The following METTL15 variants were observed in gnomAD, a reference collection of about 807,000 sequenced individuals.
METTL15 encodes the protein 12S rRNA N(4)-cytidine methyltransferase METTL15.
METTL15 carries 34 observed loss-of-function variants against 38.3 expected under a neutral mutation model. The ratio of observed to expected loss-of-function variants is 0.89; its 90% confidence interval spans 0.68 to 1.18. METTL15 has a LOEUF of 1.18. METTL15 is among the 50% of genes most tolerant of loss of function. The pLI is 0.00. For synonymous variants in METTL15, 162 were observed against 170.9 expected (o/e 0.95, Z 0.41); for missense variants, 438 against 498.4 (o/e 0.88, Z 1.15).
chr11:28,327,135 A>G, intron 6 of METTL15, among the ~76,000 whole-genome samples: 1 of 152,144 alleles, frequency 6.6e-6, no homozygotes, highest in South Asian at 2.1e-4. Flanking sequence ...AAAGCTCCAC[A>G]AAACACATTG....
intron 5 of METTL15, among the ~76,000 whole-genome samples, chr11:28,386,121 A>C (rs1850437966): frequency 6.6e-6 from 1 of 152,112 alleles, no homozygotes; most frequent in Non-Finnish European, 1.5e-5. Flanking sequence ...ATATACACAG[A>C]AAACGAGAAA....
At chr11:28,173,244 A>T (rs918616665) in intron 3 of METTL15, among the ~76,000 whole-genome samples, 1 of 152,132 alleles carries the variant, frequency 6.6e-6, no homozygotes, top group African/African-American at 2.4e-5. Flanking sequence ...CTCCAGTGTG[A>T]TGGTATTAAG....
chr11:28,388,048 CT>C (rs138596882), intron 5 of METTL15, among the ~76,000 whole-genome samples: 64,139 of 151,682 alleles, frequency 0.42, 14,934 homozygotes, highest in Admixed American at 0.54. Flanking sequence ...AATAAATTAC[CT>C]CAACATAATA....
downstream of METTL15, among the ~76,000 whole-genome samples, chr11:28,336,532 C>G: frequency 6.6e-6 from 1 of 152,130 alleles, no homozygotes; most frequent in East Asian, 1.9e-4. Context: ...TGTTGCAGGT[C>G]TTAAAGGGAA....
intron 6 of METTL15, among the ~76,000 whole-genome samples, chr11:28,435,318 G>A (rs184572004): frequency 6.6e-6 from 1 of 152,286 alleles, no homozygotes; most frequent in Admixed American, 6.5e-5. Flanking sequence ...GCAAAACGAG[G>A]ACAGAATAAC....
Position 28,478,118 on chromosome 11 carries a change from T to A in METTL15, c.*425-48360T>A, listed in dbSNP as rs2585821. ...ATATTTTATTTTGTTATTTTAGACC[T>A]ATGTCCATGATCTTAAAACTTTAGT... On this transcript the variant is annotated intron_variant and NMD_transcript_variant, in intron 6 of 7. Transcript: ENST00000532947. Among the ~76,000 whole-genome samples, 505 of 152,228 alleles carry A rather than the reference T, an allele frequency of 3.3e-3. 5 individuals carry two copies. Among genetic ancestry groups the A allele is most frequent in the East Asian group, 0.025 (131 of 5,172 alleles).
chr11:28,390,633 C>T (rs1850494043), intron 5 of METTL15, among the ~76,000 whole-genome samples: 1 of 152,102 alleles, frequency 6.6e-6, no homozygotes, highest in South Asian at 2.1e-4. Flanking sequence ...TTACTGTAGC[C>T]TTGTAGTATA....
intron 4 of METTL15, among the ~76,000 whole-genome samples, chr11:28,223,134 C>T (rs1027202699): frequency 2.0e-5 from 3 of 152,144 alleles, no homozygotes; most frequent in African/African-American, 4.8e-5. Flanking sequence ...TCTAAGGAAA[C>T]ATGTTTTTAC....
intron 3 of METTL15, among the ~76,000 whole-genome samples, chr11:28,136,834 T>C (rs1253682014): frequency 6.6e-6 from 1 of 151,966 alleles, no homozygotes; most frequent in Non-Finnish European, 1.5e-5. Flanking sequence ...ATGTTAGAGG[T>C]TCAAAAGCAT....
chr11:28,491,334 C>T (rs1851493088), intron 6 of METTL15, among the ~76,000 whole-genome samples: 1 of 152,042 alleles, frequency 6.6e-6, no homozygotes, highest in Non-Finnish European at 1.5e-5. Flanking sequence ...TAGAAGGAGT[C>T]CCCTTATTGA....
At chr11:28,444,375 G>T (rs2133442896) in intron 6 of METTL15, among the ~76,000 whole-genome samples, 1 of 152,118 alleles carries the variant, frequency 6.6e-6, no homozygotes, top group African/African-American at 2.4e-5. Context: ...ACAACTTTAA[G>T]AAAGTATAAA....
At chr11:28,468,207 A>G (rs34522952) in intron 6 of METTL15, among the ~76,000 whole-genome samples, 3 of 152,124 alleles carry the variant, frequency 2.0e-5, no homozygotes, top group African/African-American at 4.8e-5. Context: ...TTTTATCTTA[A>G]TTTCTTAGTC....
chr11:28,348,293 A>C (rs1002079554), intron 3 of METTL15, among the ~76,000 whole-genome samples: 11 of 152,228 alleles, frequency 7.2e-5, no homozygotes, highest in Non-Finnish European at 1.6e-4. Context: ...GTGAGTTTAT[A>C]AAACAATATT....
At chr11:28,375,548 C>A (rs1230909514) in intron 5 of METTL15, among the ~76,000 whole-genome samples, 1 of 151,638 alleles carries the variant, frequency 6.6e-6, no homozygotes, top group East Asian at 1.9e-4. Flanking sequence ...CTATTTGATT[C>A]TTCTCTCTTT....
chr11:28,476,330 A>C (rs1851345985), intron 6 of METTL15, among the ~76,000 whole-genome samples: 1 of 152,146 alleles, frequency 6.6e-6, no homozygotes, highest in Non-Finnish European at 1.5e-5. Context: ...TCATTTATGG[A>C]TAAAACCTCA....
At chr11:28,419,327 G>A (rs1228464768) in intron 5 of METTL15, among the ~76,000 whole-genome samples, 1 of 152,196 alleles carries the variant, frequency 6.6e-6, no homozygotes, top group Admixed American at 6.5e-5. Context: ...TTGGGAAAAA[G>A]TAAGGGAAGA....
intron 6 of METTL15, among the ~76,000 whole-genome samples, chr11:28,495,684 A>AC (rs1851529981): frequency 6.6e-6 from 1 of 152,144 alleles, no homozygotes; most frequent in African/African-American, 2.4e-5. Flanking sequence ...AAGCAAAAAG[A>AC]CCCATAGTCT....
chr11:28,452,544 A>C (rs1028580152), intron 6 of METTL15, among the ~76,000 whole-genome samples: 1 of 152,196 alleles, frequency 6.6e-6, no homozygotes, highest in Non-Finnish European at 1.5e-5. Context: ...TGATGTTTGC[A>C]GACATAAGGT....
At chr11:28,349,521 G>A (rs1850024382) in intron 3 of METTL15, among the ~76,000 whole-genome samples, 1 of 152,204 alleles carries the variant, frequency 6.6e-6, no homozygotes. Context: ...TTTAAAAAGA[G>A]AAAGCAAGTA....
Sources: gnomAD v4.1 joint callset for allele counts (sites outside exome capture counted in the v4.1 genomes callset) on GRCh38, gnomAD v4.1.1 for gene constraint, MANE v1.5 for transcripts, NCBI Gene and HGNC (gene_info 2026-07-23, HGNC 2026-07-21) for gene names.